Variants in AKAP6 observed in about 807,000 individuals in gnomAD.
AKAP6 encodes A-kinase anchoring protein 6.
A neutral mutation model predicts 188.5 loss-of-function variants in AKAP6; 58 were observed. The observed-to-expected ratio is 0.31, with a 90% CI of 0.25 to 0.38. The LOEUF (loss-of-function observed/expected upper bound fraction) is 0.38, where lower values mean the gene tolerates loss of function less well. AKAP6 is among the 10% of genes least tolerant of loss of function. The pLI, the probability that AKAP6 is intolerant of heterozygous loss-of-function variation, is 1.00. For synonymous variants in AKAP6, 989 were observed against 998.6 expected (o/e 0.99, Z 0.18); for missense variants, 2,710 against 2,740.0 (o/e 0.99, Z 0.24).
rs1276020800 is a variant in AKAP6 at position 32,824,568 on chromosome 14, A to G, written c.6755A>G (p.Glu2252Gly). 6.2e-7 allele frequency: 1 copy of G among 1,613,944 alleles called. No homozygotes were observed. The stretch of plus-strand genomic sequence containing the variant: ...TTTACTCCTTCAAAGCTTGACAGTG[A>G]AAAGGAAAGTTCCGGAAAACCAGGT... ...LEFTPSKLDS[E>G]KESSGKPGES... The change falls in exon 13 of 14, where the codon GAA (glutamate) becomes GGA (glycine). Residue 2252 changes from glutamate to glycine, a missense_variant. Transcript: ENST00000280979.
In AKAP6 at chr14:32,620,066, T is replaced by C. The variant is rs144343470; in HGVS notation, c.2730+19274T>C. ...GACTTTACTGAATTCATTTATCAAA[T>C]CTAAGAGTCTTTTGGAGGATTCTTT... On this transcript the variant is annotated intron_variant, in intron 7 of 13. Transcript: ENST00000280979. 4.0e-3 allele frequency among the ~76,000 whole-genome samples: 608 copies of C among 152,276 alleles called. 4 individuals carry two copies. Among genetic ancestry groups the C allele is most frequent in the African/African-American group, 0.012 (518 of 41,572 alleles).
intron 1 of AKAP6, among the ~76,000 whole-genome samples, chr14:32,387,799 GTT>G (rs779142022): frequency 7.3e-6 from 1 of 137,656 alleles, no homozygotes. Context: ...TTGGTCTGTA[GTT>G]TTTTTTTTTT....
chr14:32,582,440 T>G (rs985163448), intron 5 of AKAP6, among the ~76,000 whole-genome samples: 1 of 151,996 alleles, frequency 6.6e-6, no homozygotes, highest in African/African-American at 2.4e-5. Flanking sequence ...TTTTCCTTCA[T>G]TTCAACTTTG....
intron 4 of AKAP6, among the ~76,000 whole-genome samples, chr14:32,570,220 T>G (rs1355269042): frequency 7.2e-6 from 1 of 138,626 alleles, no homozygotes; most frequent in Non-Finnish European, 1.5e-5. Flanking sequence ...AACCTCTGCC[T>G]CCTGGGTTCA....
chr14:32,773,667 CTA>C lies in AKAP6; in HGVS notation c.3373-9_3373-8del, dbSNP rs1282093024. ...TAAACACTCATAGATTGGTTTCTCT[CTA>C]TGTTGCAGTCCCTCTGTCGTGAAAT... On this transcript the variant is annotated splice_polypyrimidine_tract_variant and intron_variant, in intron 11 of 13. Transcript: ENST00000280979. 1 of 1,612,348 alleles carries C rather than the reference CTA, an allele frequency of 6.2e-7. No homozygotes were observed. The highest frequency in any genetic ancestry group is 8.5e-7 in the Non-Finnish European group (1 of 1,179,128).
rs575521201 is a variant in AKAP6 at position 32,773,888 on chromosome 14, G to C, written c.3583G>C (p.Glu1195Gln). 6.2e-7 allele frequency: 1 copy of C among 1,613,638 alleles called. No homozygotes were observed. Among genetic ancestry groups the C allele is most frequent in the East Asian group, 2.2e-5 (1 of 44,866 alleles). Reference sequence around the variant, plus strand: ...ACGTCTACAAAAGAAGATGGGAAAGGAATCTGTGAGTGATGCTTTTTTTAA... The same window carrying C: ...ACGTCTACAAAAGAAGATGGGAAAGCAATCTGTGAGTGATGCTTTTTTTAA... ...QTRLQKKMGK[E>Q]SETLNVIDPG... The change falls in exon 12 of 14, where the codon GAA becomes CAA. Residue 1195 changes from glutamate (E) to glutamine (Q), a missense_variant. This residue lies in a region of AKAP6 where 2,473 missense variants were observed against 2,426.1 expected (regional missense o/e 1.02). Transcript: ENST00000280979.
intron 2 of AKAP6, among the ~76,000 whole-genome samples, chr14:32,490,337 A>G (rs73267373): frequency 1.4e-3 from 206 of 152,300 alleles, no homozygotes; most frequent in African/African-American, 4.8e-3. Flanking sequence ...TTTGTCCGTG[A>G]ATGTTGCCTT....
intron 7 of AKAP6, among the ~76,000 whole-genome samples, chr14:32,613,361 G>C (rs1886432140): frequency 6.6e-6 from 1 of 152,086 alleles, no homozygotes; most frequent in Admixed American, 6.5e-5. Flanking sequence ...GGGAATTTTT[G>C]GTCCAGTTTT....
chr14:32,625,045 G>A (rs536341076), intron 7 of AKAP6, among the ~76,000 whole-genome samples: 86 of 152,106 alleles, frequency 5.7e-4, no homozygotes, highest in Non-Finnish European at 1.1e-3. Flanking sequence ...TTTCCAGTTT[G>A]GTGAACATAA....
At chr14:32,641,926 G>T (rs1887775349) in intron 7 of AKAP6, among the ~76,000 whole-genome samples, 1 of 152,098 alleles carries the variant, frequency 6.6e-6, no homozygotes, top group South Asian at 2.1e-4. Flanking sequence ...TCAGTGACTA[G>T]AGATTTGGAA....
chr14:32,732,366 G>A, intron 9 of AKAP6, 88 bp from the exon 10 acceptor site: 1 of 1,449,144 alleles, frequency 6.9e-7, no homozygotes, highest in Non-Finnish European at 9.3e-7. Context: ...AACTTTTAAT[G>A]CTCGTAAGCA....
At chr14:32,821,345 A>G in intron 12 of AKAP6, 57 bp from the exon 13 acceptor site, 1 of 1,511,402 alleles carries the variant, frequency 6.6e-7, no homozygotes, top group Non-Finnish European at 8.8e-7. Flanking sequence ...AATGGATAAA[A>G]TTTTCATGCT....
In AKAP6 at chr14:32,769,208, C is replaced by T. The variant is rs139623239; in HGVS notation, c.3373-4470C>T. On this transcript the variant is annotated intron_variant, in intron 11 of 13. Coordinates refer to ENST00000280979, the MANE Select transcript of AKAP6 (RefSeq NM_004274.5). ...GATTACAGGCACCCACCACCACACC[C>T]AGCTAATTTTTATATTTTTAATAGA... Among the ~76,000 whole-genome samples, 590 of 151,478 alleles carry T rather than the reference C, an allele frequency of 3.9e-3. 1 individual carries two copies. The highest frequency in any genetic ancestry group is 0.014 in the African/African-American group (565 of 41,310).
intron 1 of AKAP6, among the ~76,000 whole-genome samples, chr14:32,395,246 G>T (rs890517048): frequency 6.6e-5 from 10 of 152,090 alleles, no homozygotes; most frequent in Non-Finnish European, 1.2e-4. Context: ...TGATAACCTT[G>T]AACCTGCTCT....
At chr14:32,798,881 GA>G (rs544165145) in intron 12 of AKAP6, among the ~76,000 whole-genome samples, 1,529 of 145,952 alleles carry the variant, frequency 0.01, 19 homozygotes, top group African/African-American at 0.029. Context: ...ATAAAAGTTG[GA>G]AAAAAAAAAA....
intron 1 of AKAP6, among the ~76,000 whole-genome samples, chr14:32,346,699 G>A (rs1039306911): frequency 5.3e-5 from 8 of 152,210 alleles, no homozygotes; most frequent in African/African-American, 1.4e-4. Flanking sequence ...TAGTAGAGAC[G>A]GGGTTTCACC....
intron 7 of AKAP6, among the ~76,000 whole-genome samples, chr14:32,666,992 CTT>C (rs1259405604): frequency 6.6e-6 from 1 of 151,848 alleles, no homozygotes; most frequent in South Asian, 2.1e-4. Context: ...AAAGTGAAGT[CTT>C]TTTATTGTGA....
At chr14:32,582,780 T>A (rs1885039884) in intron 5 of AKAP6, among the ~76,000 whole-genome samples, 1 of 152,250 alleles carries the variant, frequency 6.6e-6, no homozygotes, top group Non-Finnish European at 1.5e-5. Flanking sequence ...GTTGATCGCA[T>A]CAGCTCCTGA....
intron 5 of AKAP6, among the ~76,000 whole-genome samples, chr14:32,587,377 C>T (rs1397708422): frequency 2.0e-5 from 3 of 152,124 alleles, no homozygotes; most frequent in Non-Finnish European, 4.4e-5. Context: ...GTTAGGCAGA[C>T]ATGGAGGGCC....
Sources: allele counts gnomAD v4.1 joint callset (sites outside exome capture counted in the v4.1 genomes callset), GRCh38; gene constraint gnomAD v4.1.1; regional missense constraint gnomAD v4.1.1; transcripts MANE v1.5; gene names NCBI Gene and HGNC (gene_info 2026-07-23, HGNC 2026-07-21).